The following NPAS2 variants were observed in gnomAD, a reference collection of about 807,000 sequenced individuals.
NPAS2 encodes neuronal PAS domain-containing protein 2.
Under a neutral mutation model 107.5 loss-of-function variants are expected in NPAS2, and 23 were observed. The ratio of observed to expected loss-of-function variants is 0.21; its 90% CI spans 0.15 to 0.30. NPAS2 has a LOEUF of 0.30. NPAS2 is among the 10% of genes least tolerant of loss of function. NPAS2 has a pLI of 1.00. For synonymous variants in NPAS2, 403 were observed against 417.5 expected, an observed-to-expected ratio of 0.97 and a Z score of 0.42; for missense variants, 756 against 1,043.3, an observed-to-expected ratio of 0.72 and a Z score of 3.79.
chr2:100,834,831 A>G (rs1558791067), intron 1 of NPAS2, among the ~76,000 whole-genome samples: 1 of 152,000 alleles, frequency 6.6e-6, no homozygotes, highest in Non-Finnish European at 1.5e-5. Context: ...AGTAGCTGGG[A>G]TTACAGGCAT....
chr2:100,970,124 C>G (rs1367845324), intron 11 of NPAS2, among the ~76,000 whole-genome samples: 1 of 152,194 alleles, frequency 6.6e-6, no homozygotes, highest in Non-Finnish European at 1.5e-5. Flanking sequence ...TCCCAGCCTG[C>G]CACTGGGCGT....
intron 1 of NPAS2, among the ~76,000 whole-genome samples, chr2:100,833,491 CA>C (rs374805304): frequency 2.8e-4 from 43 of 152,262 alleles, no homozygotes; most frequent in African/African-American, 1.0e-3. Context: ...TACATTCTAG[CA>C]AGTAAAACCC....
intron 1 of NPAS2, among the ~76,000 whole-genome samples, chr2:100,848,585 TTGAA>T (rs1413182215): frequency 6.6e-6 from 1 of 152,176 alleles, no homozygotes; most frequent in Non-Finnish European, 1.5e-5. Flanking sequence ...AAGCACCCTG[TTGAA>T]TGAGAGGAAT....
intron 7 of NPAS2, among the ~76,000 whole-genome samples, chr2:100,955,786 T>C (rs13409032): frequency 0.41 from 62,022 of 151,910 alleles, 12,815 homozygotes; most frequent in South Asian, 0.52. Flanking sequence ...GCCTCCTCAC[T>C]TCAGCTGCTT....
intron 15 of NPAS2, among the ~76,000 whole-genome samples, chr2:100,979,494 ATATATATATTTTTT>A (rs1449136413): frequency 2.0e-4 from 15 of 74,852 alleles, no homozygotes; most frequent in Non-Finnish European, 2.9e-4. Context: ...ATATATATAT[ATATATATATTTTTT>A]TTTTTTTTTT....
intron 1 of NPAS2, among the ~76,000 whole-genome samples, chr2:100,895,856 T>C (rs2104723616): frequency 6.6e-6 from 1 of 152,274 alleles, no homozygotes; most frequent in East Asian, 1.9e-4. Flanking sequence ...GCCTTTTCTG[T>C]CTCTGTTTAG....
chr2:100,984,300 T>A (rs747404912), intron 16 of NPAS2: 1 of 152,248 alleles, frequency 6.6e-6, no homozygotes, highest in Admixed American at 6.5e-5. Context: ...CAAAATGTGA[T>A]ATTTGTTTTT....
rs1199347509 is a variant in NPAS2 at position 100,828,807 on chromosome 2, T to C, written c.-23+8393T>C. Reference sequence around the variant, plus strand: ...TGTTTTGGTTACTGTAGCCTTATAGTATAGTTAGAAGTTGGGTAATATGAT... The same window carrying C: ...TGTTTTGGTTACTGTAGCCTTATAGCATAGTTAGAAGTTGGGTAATATGAT... On this transcript the variant is annotated intron_variant, in intron 1 of 20. Transcript: ENST00000335681. Among the ~76,000 whole-genome samples the C allele has an allele frequency of 2.0e-5, 3 of 152,218 alleles. No homozygotes were observed. The East Asian group carries it at 5.8e-4, about 29-fold the overall frequency.
At chr2:100,865,601 T>C (rs1679202335) in intron 1 of NPAS2, among the ~76,000 whole-genome samples, 1 of 152,176 alleles carries the variant, frequency 6.6e-6, no homozygotes, top group African/African-American at 2.4e-5. Flanking sequence ...AGGTAAGCTC[T>C]TAAACACTCA....
chr2:100,851,916 G>A (rs1045420835), intron 1 of NPAS2, among the ~76,000 whole-genome samples: 1 of 152,194 alleles, frequency 6.6e-6, no homozygotes, highest in African/African-American at 2.4e-5. Context: ...GATCTTTAGT[G>A]AAGGAAAAGA....
chr2:100,873,301 T>TAC (rs1679723479), intron 1 of NPAS2, among the ~76,000 whole-genome samples: 9 of 64,788 alleles, frequency 1.4e-4, no homozygotes, highest in Middle Eastern at 8.8e-3. Flanking sequence ...TATATATATA[T>TAC]ATATATACAC....
At chr2:100,912,994 G>A (rs1240041982) in intron 2 of NPAS2, among the ~76,000 whole-genome samples, 1 of 152,144 alleles carries the variant, frequency 6.6e-6, no homozygotes, top group Non-Finnish European at 1.5e-5. Context: ...CCTGGCTTAG[G>A]TGCCGAACGA....
At chr2:100,842,147 C>G (rs1677476996) in intron 1 of NPAS2, among the ~76,000 whole-genome samples, 1 of 152,030 alleles carries the variant, frequency 6.6e-6, no homozygotes, top group African/African-American at 2.4e-5. Flanking sequence ...GCAGCACTGT[C>G]TTCCTAGGTA....
chr2:100,846,966 G>T (rs1053630100), intron 1 of NPAS2: 1 of 152,066 alleles, frequency 6.6e-6, no homozygotes, highest in Non-Finnish European at 1.5e-5. Flanking sequence ...TGTTGTCAAG[G>T]CGCTTAGTTT....
At chr2:100,873,295 T>TAC (rs1679718308) in intron 1 of NPAS2, among the ~76,000 whole-genome samples, 1 of 44,000 alleles carries the variant, frequency 2.3e-5, no homozygotes, top group African/African-American at 7.0e-5. Context: ...TATATATATA[T>TAC]ATATATATAT....
At chr2:100,836,747 G>A (rs1049818195) in intron 1 of NPAS2, among the ~76,000 whole-genome samples, 2 of 152,124 alleles carry the variant, frequency 1.3e-5, no homozygotes, top group Non-Finnish European at 2.9e-5. Context: ...GCTTTGCCCC[G>A]TCGTGAAGGC....
intron 1 of NPAS2, chr2:100,878,550 T>G (rs1319308325): frequency 4.1e-6 from 4 of 985,310 alleles, no homozygotes; most frequent in Non-Finnish European, 3.6e-6. Flanking sequence ...ACACCTGGTT[T>G]TAACCGTCAA....
chr2:100,887,125 A>G (rs1161619777), intron 1 of NPAS2, among the ~76,000 whole-genome samples: 1 of 152,200 alleles, frequency 6.6e-6, no homozygotes, highest in Non-Finnish European at 1.5e-5. Flanking sequence ...CCTAGGAAGC[A>G]GGACTGGCCT....
chr2:100,826,160 A>G (rs1364447476), intron 1 of NPAS2, among the ~76,000 whole-genome samples: 1 of 152,168 alleles, frequency 6.6e-6, no homozygotes, highest in Non-Finnish European at 1.5e-5. Context: ...TTTAAAAACT[A>G]AGGCCGGGTG....
Sources: gnomAD v4.1 joint callset for allele counts (sites outside exome capture counted in the v4.1 genomes callset) on GRCh38, gnomAD v4.1.1 for gene constraint, MANE v1.5 for transcripts, NCBI Gene and HGNC (gene_info 2026-07-23, HGNC 2026-07-21) for gene names.